PTPN23: variants seen among roughly 807,000 people sequenced by gnomAD.
The protein encoded by PTPN23 is tyrosine-protein phosphatase non-receptor type 23.
In PTPN23, 72 loss-of-function variants were observed where a neutral mutation model predicts 156.3. The observed-to-expected ratio is 0.46, with a 90% CI of 0.38 to 0.56. PTPN23 has a LOEUF of 0.56. Among genes scored for constraint, PTPN23 ranks in the 20% least tolerant of loss-of-function variants. The pLI is 0.00. For synonymous variants in PTPN23, 957 were observed against 899.6 expected (o/e 1.06, Z -1.14); for missense variants, 1,974 against 2,171.5 (o/e 0.91, Z 1.81).
Position 47,409,534 on chromosome 3 carries a change from G to T in PTPN23, c.1915G>T (p.Ala639Ser). 1 of 1,614,012 alleles carries T rather than the reference G, an allele frequency of 6.2e-7. No homozygotes were observed. Among genetic ancestry groups the T allele is most frequent in the Non-Finnish European group, 8.5e-7 (1 of 1,179,940 alleles). Residue 639 changes from alanine (A) to serine (S), a missense_variant, in exon 18 of 25, where the codon GCC becomes TCC. Transcript: ENST00000265562. The part of the protein sequence containing the change: ...ALTEANVQYA[A>S]VRRVLSDLDQ... ...GACAGAGGCCAACGTGCAGTACGCA[G>T]CCGTGCGGCGGGTACTCAGCGACTT...
chr3:47,381,148 G>T lies in PTPN23; in HGVS notation c.52G>T (p.Gly18Cys). 3 of 1,592,940 alleles carry T rather than the reference G, an allele frequency of 1.9e-6. No homozygotes were observed. The highest frequency in any genetic ancestry group is 2.6e-6 in the Non-Finnish European group (3 of 1,170,314). ...GATCTGGCTGGACCTGAAGGAGGCC[G>T]GTGACTTTCACTTCCAGCCAGCTGT... ...PMIWLDLKEAGDFHFQPAVKK... is the reference protein window; with the variant it reads ...PMIWLDLKEACDFHFQPAVKK... The change falls in exon 1 of 25, where the codon GGT (glycine) becomes TGT (cysteine). Residue 18 changes from glycine (G) to cysteine (C), a missense_variant. Physicochemically the swap from Gly to Cys is radical, Grantham distance 159. Around this residue, in one of 4 missense-constraint regions of PTPN23, gnomAD observed 726 missense variants for 929.5 expected, o/e 0.78. Transcript: ENST00000265562.
At chr3:47,400,891 T>A (rs970563076) in intron 2 of PTPN23, among the ~76,000 whole-genome samples, 1 of 151,434 alleles carries the variant, frequency 6.6e-6, no homozygotes, top group East Asian at 1.9e-4. Context: ...TATTTTATTT[T>A]ATTTATTTTG....
At chr3:47,381,856 T>A (rs1417442635) in intron 1 of PTPN23, among the ~76,000 whole-genome samples, 1 of 152,116 alleles carries the variant, frequency 6.6e-6, no homozygotes. Flanking sequence ...CTTACTGTGT[T>A]GGAAGAACAG....
chr3:47,409,885 G>A, intron 19 of PTPN23, 43 bp from the exon 20 acceptor site: 3 of 1,585,094 alleles, frequency 1.9e-6, no homozygotes, highest in East Asian at 2.3e-5. Context: ...ACAGGCTGGG[G>A]TGATGGGAGC....
At chr3:47,382,312 CT>C (rs928126179) in intron 1 of PTPN23, among the ~76,000 whole-genome samples, 16 of 149,938 alleles carry the variant, frequency 1.1e-4, no homozygotes, top group African/African-American at 3.7e-4. Flanking sequence ...TCTGCTGTTT[CT>C]TTTTCCTACC....
chr3:47,410,303 C>G lies in PTPN23; in HGVS notation c.2505C>G (p.Pro835=), dbSNP rs1434404653. 6.2e-7 allele frequency: 1 copy of G among 1,604,328 alleles called. No homozygotes were observed. The highest frequency in any genetic ancestry group is 1.7e-5 in the Admixed American group (1 of 59,142). Residue 835 remains proline, a synonymous_variant, in exon 20 of 25, where the codon CCC becomes CCG. Coordinates refer to ENST00000265562, the MANE Select transcript of PTPN23 (RefSeq NM_015466.4). ...ACACACCGGAGCTGGGCCTTGTGCC[C>G]CGATCCTCCCCACAGCATGGCGTGG... ...PAYTPELGLV[P]RSSPQHGVVS...
At chr3:47,408,106 G>C in intron 14 of PTPN23, 151 bp downstream of exon 14, 1 of 1,047,198 alleles carries the variant, frequency 9.5e-7, no homozygotes. Flanking sequence ...GGTGGGGCTA[G>C]TGTGTAAGGC....
In PTPN23 at chr3:47,412,847, G is replaced by A; in HGVS notation, c.4573G>A (p.Glu1525Lys). ...SPVASLPGPAEPPGLPPASLP... is the reference protein window; with the variant it reads ...SPVASLPGPAKPPGLPPASLP... ...GGTTGCCAGCTTGCCAGGCCCTGCA[G>A]AGCCCCCAGGCCTCCCGCCAGCCAG... The change falls in exon 25 of 25, where the codon GAG becomes AAG. Residue 1525 changes from glutamate (E) to lysine (K), a missense_variant. Physicochemically the swap from Glu to Lys is moderately conservative, Grantham distance 56. Around this residue, in one of 4 missense-constraint regions of PTPN23, gnomAD observed 484 missense variants for 516.0 expected, o/e 0.94. Transcript: ENST00000265562. 2 of 1,613,340 alleles carry A rather than the reference G, an allele frequency of 1.2e-6. No homozygotes were observed. Among genetic ancestry groups the A allele is most frequent in the East Asian group, 2.2e-5 (1 of 44,874 alleles).
Position 47,407,992 on chromosome 3 carries a change from C to T in PTPN23, c.1184+37C>T, listed in dbSNP as rs781511619. 6.2e-7 allele frequency: 1 copy of T among 1,603,858 alleles called. No homozygotes were observed. On this transcript the variant is annotated intron_variant, in intron 14 of 24. Coordinates refer to ENST00000265562, the MANE Select transcript of PTPN23 (RefSeq NM_015466.4). The surrounding 1 kb of genome is among the most constrained non-coding windows in gnomAD (Gnocchi z 4.0). ...ACTTGGGCAGGGAGGCGGAGGCAGG[C>T]AGCACTTCCCGGGCCTCTGGGGGCC...
intron 2 of PTPN23, among the ~76,000 whole-genome samples, chr3:47,400,079 G>A (rs1323057175): frequency 1.3e-5 from 2 of 152,114 alleles, no homozygotes; most frequent in African/African-American, 4.8e-5. Flanking sequence ...GAAAATGCTG[G>A]GATTACAGGC....
Position 47,412,502 on chromosome 3 carries a change from G to A in PTPN23, c.4318-12G>A, listed in dbSNP as rs1705340129. 1 of 1,612,690 alleles carries A rather than the reference G, an allele frequency of 6.2e-7. No individual in the cohort carries two copies. Among genetic ancestry groups the A allele is most frequent in the Non-Finnish European group, 8.5e-7 (1 of 1,179,576 alleles). Reference sequence around the variant, plus strand: ...CCCTGCCCAGCTGACCTGGCCAAATGCACCTGTGCAGCTGCACCTCAGGTT... The same window carrying A: ...CCCTGCCCAGCTGACCTGGCCAAATACACCTGTGCAGCTGCACCTCAGGTT... On this transcript the variant is annotated splice_polypyrimidine_tract_variant and intron_variant, in intron 23 of 24. Transcript: ENST00000265562.
rs772953426 is a variant in PTPN23, at chr3:47,411,312, C to T, written c.3514C>T (p.Arg1172Trp). 2.1e-5 allele frequency: 34 copies of T among 1,612,484 alleles called. No individual in the cohort carries two copies. The highest frequency in any genetic ancestry group is 5.5e-5 in the South Asian group (5 of 91,094). ...RDPYEHPERLRQLQQELEAFR... is the reference protein window; with the variant it reads ...RDPYEHPERLWQLQQELEAFR... The stretch of plus-strand genomic sequence containing the variant: ...CCCCTATGAGCATCCTGAGAGGCTG[C>T]GGCAGTTGCAGCAGGAGCTGGAGGC... The change falls in exon 20 of 25, where the codon CGG becomes TGG. Residue 1172 changes from arginine to tryptophan, a missense_variant. By Grantham distance (101) the Arg-to-Trp change is moderately radical. This residue lies in a region of PTPN23 where 731 missense variants were observed against 669.1 expected (regional missense o/e 1.09). Transcript: ENST00000265562. This position sits in a 1 kb window ranked among gnomAD's most constrained non-coding sequence, Gnocchi z 6.3.
chr3:47,388,990 A>C (rs1433883312), intron 1 of PTPN23, among the ~76,000 whole-genome samples: 1 of 152,026 alleles, frequency 6.6e-6, no homozygotes, highest in Non-Finnish European at 1.5e-5. Context: ...TATTCATTCT[A>C]TCTAACTATA....
intron 1 of PTPN23, among the ~76,000 whole-genome samples, chr3:47,389,900 C>A (rs976882938): frequency 1.3e-5 from 2 of 149,846 alleles, no homozygotes; most frequent in African/African-American, 2.5e-5. Flanking sequence ...TGGCAAAACC[C>A]CATCTCTACT....
chr3:47,412,855 A>C lies in PTPN23; in HGVS notation c.4581A>C (p.Pro1527=). 1 of 1,613,044 alleles carries C rather than the reference A, an allele frequency of 6.2e-7. No individual in the cohort carries two copies. Among genetic ancestry groups the C allele is most frequent in the African/African-American group, 1.3e-5 (1 of 74,902 alleles). The change falls in exon 25 of 25, where the codon CCA becomes CCC. Residue 1527 remains proline (P), a synonymous_variant. Coordinates refer to ENST00000265562, the MANE Select transcript of PTPN23 (RefSeq NM_015466.4). ...VASLPGPAEP[P]GLPPASLPES... Reference sequence around the variant, plus strand: ...GCTTGCCAGGCCCTGCAGAGCCCCCAGGCCTCCCGCCAGCCAGCCTCCCAG... The same window carrying C: ...GCTTGCCAGGCCCTGCAGAGCCCCCCGGCCTCCCGCCAGCCAGCCTCCCAG...
intron 1 of PTPN23, among the ~76,000 whole-genome samples, chr3:47,394,529 G>A (rs953603321): frequency 2.6e-5 from 4 of 152,004 alleles, no homozygotes; most frequent in Admixed American, 6.6e-5. Flanking sequence ...TTGTAGAGAC[G>A]GGTCTTGCTC....
chr3:47,411,593 A>C lies in PTPN23; in HGVS notation c.3795A>C (p.Pro1265=). Residue 1265 remains proline, a synonymous_variant, in exon 20 of 25, where the codon CCA becomes CCC. Transcript: ENST00000265562. This position sits in a 1 kb window ranked among gnomAD's most constrained non-coding sequence, Gnocchi z 6.3. The stretch of plus-strand genomic sequence containing the variant: ...CCCCGCTAGTGGCAACCCAGGCCCC[A>C]CTGCCTGGCACAGCTGCTGACTTCT... ...YCPPLVATQA[P]LPGTAADFWL... The C allele has an allele frequency of 6.2e-7, 1 of 1,612,422 alleles. No individual in the cohort carries two copies. The highest frequency in any genetic ancestry group is 8.5e-7 in the Non-Finnish European group (1 of 1,179,904).
chr3:47,393,297 T>A (rs1424829120), intron 1 of PTPN23, among the ~76,000 whole-genome samples: 1 of 151,964 alleles, frequency 6.6e-6, no homozygotes, highest in Non-Finnish European at 1.5e-5. Flanking sequence ...GGATTACAGG[T>A]GCCCACCACC....
Position 47,406,864 on chromosome 3 carries a change from C to T in PTPN23, c.807+114C>T. 7.2e-7 allele frequency: 1 copy of T among 1,391,584 alleles called. No homozygotes were observed. The highest frequency in any genetic ancestry group is 9.9e-7 in the Non-Finnish European group (1 of 1,006,744). 86.2% of individuals were successfully genotyped at this position (1,391,584 alleles called of 1,614,324 possible). A position where few individuals can be genotyped will look rare whatever the true frequency, so the allele number is the denominator to read the frequency against. ...GCCTTCTCTGTCTCACCCTGGCCAT[C>T]ACCCTGCTGGAGGCCTGGTGTCTTA... is the stretch of plus-strand genomic sequence containing the variant. On this transcript the variant is annotated intron_variant, in intron 9 of 24. Transcript: ENST00000265562. The surrounding 1 kb of genome is among the most constrained non-coding windows in gnomAD (Gnocchi z 5.8).
Sources: gnomAD v4.1 joint callset for allele counts (sites outside exome capture counted in the v4.1 genomes callset) on GRCh38, gnomAD v4.1.1 for gene constraint, gnomAD v4.1.1 regional missense constraint, Gnocchi (gnomAD v3.1) non-coding constraint, MANE v1.5 for transcripts, NCBI Gene and HGNC (gene_info 2026-07-23, HGNC 2026-07-21) for gene names.